PDE1C: variants seen among roughly 807,000 people sequenced by gnomAD.
PDE1C encodes phosphodiesterase 1C.
In PDE1C, 62 loss-of-function variants were observed where a neutral mutation model predicts 93.1. The observed-to-expected ratio is 0.67, with a 90% CI of 0.54 to 0.82. The LOEUF (loss-of-function observed/expected upper bound fraction) is 0.82, where lower values mean the gene tolerates loss of function less well. Among genes scored for constraint, PDE1C ranks in the 40% least tolerant of loss-of-function variants. PDE1C has a pLI of 0.00. For synonymous variants in PDE1C, 325 were observed against 310.1 expected (o/e 1.05, Z -0.50); for missense variants, 742 against 884.6 (o/e 0.84, Z 2.04).
the PDE1C span, among the ~76,000 whole-genome samples, chr7:31,732,476 G>A: frequency 6.6e-6 from 1 of 152,136 alleles, no homozygotes; most frequent in East Asian, 1.9e-4. Context: ...CGAAGACTGA[G>A]GTTTCCTGAA....
Position 32,307,966 on chromosome 7 carries a change from T to G in PDE1C, c.311-98427A>C, listed in dbSNP as rs193051021. On this transcript the variant is annotated intron_variant, in intron 1 of 1. Coordinates refer to the PDE1C transcript ENST00000672256. ...TTGGGAAGTGCAAGGGGTCGGGGAG[T>G]TCCCTTTCCTAGTCAAAGAATGGGG... Among the ~76,000 whole-genome samples the G allele has an allele frequency of 4.7e-4, 71 of 152,112 alleles. 1 individual carries two copies. The highest frequency in any genetic ancestry group is 8.2e-4 in the Non-Finnish European group (56 of 67,984).
chr7:32,050,852 T>G (rs1196523343), intron 2 of PDE1C, among the ~76,000 whole-genome samples: 3 of 152,140 alleles, frequency 2.0e-5, no homozygotes, highest in Non-Finnish European at 4.4e-5. Context: ...AAAATGGGCT[T>G]CCCATTGGAC....
intron 3 of PDE1C, among the ~76,000 whole-genome samples, chr7:32,118,082 G>GA (rs1799084695): frequency 6.6e-6 from 1 of 152,194 alleles, no homozygotes; most frequent in Admixed American, 6.5e-5. Context: ...TGGATTCCCA[G>GA]AGCCTGGGAA....
At chr7:32,039,249 T>C (rs1791508939) in intron 2 of PDE1C, among the ~76,000 whole-genome samples, 2 of 152,118 alleles carry the variant, frequency 1.3e-5, no homozygotes, top group South Asian at 4.1e-4. Flanking sequence ...ATAGTACTAT[T>C]ACAAACAACA....
At chr7:32,049,241 C>T (rs77773863) in intron 2 of PDE1C, among the ~76,000 whole-genome samples, 3,052 of 152,218 alleles carry the variant, frequency 0.02, 117 homozygotes, top group African/African-American at 0.069. Context: ...TCTGTACAAG[C>T]TCTCACTATA....
At chr7:31,790,275 A>C in intron 16 of PDE1C, 2 of 1,609,326 alleles carry the variant, frequency 1.2e-6, no homozygotes, top group Non-Finnish European at 1.7e-6. Flanking sequence ...AAAAAGAAAA[A>C]GAAAAAGAAA....
chr7:31,930,119 G>A (rs1398380181), intron 2 of PDE1C, among the ~76,000 whole-genome samples: 2 of 152,152 alleles, frequency 1.3e-5, no homozygotes, highest in African/African-American at 2.4e-5. Flanking sequence ...TACCATTAGA[G>A]AATACTATAA....
intron 2 of PDE1C, among the ~76,000 whole-genome samples, chr7:32,174,124 G>A (rs2128807925): frequency 6.6e-6 from 1 of 152,176 alleles, no homozygotes; most frequent in Non-Finnish European, 1.5e-5. Context: ...ATGAAGATCA[G>A]TTCTATGTTA....
chr7:32,155,656 A>G (rs1392619358), intron 3 of PDE1C, among the ~76,000 whole-genome samples: 2 of 152,188 alleles, frequency 1.3e-5, no homozygotes, highest in African/African-American at 2.4e-5. Context: ...TCACTTGCAA[A>G]TTATAAAGCA....
intron 9 of PDE1C, among the ~76,000 whole-genome samples, chr7:31,838,705 C>T (rs1791432445): frequency 6.6e-6 from 1 of 152,118 alleles, no homozygotes; most frequent in Non-Finnish European, 1.5e-5. Flanking sequence ...CCCTCAACCC[C>T]TGCCAATCAC....
intron 2 of PDE1C, among the ~76,000 whole-genome samples, chr7:31,984,055 G>A (rs1783051240): frequency 1.3e-5 from 2 of 152,142 alleles, no homozygotes. Flanking sequence ...AGAGCAGGAG[G>A]AGGAAGAGTA....
At chr7:31,780,189 G>T (rs574559562) in intron 16 of PDE1C, among the ~76,000 whole-genome samples, 1 of 152,256 alleles carries the variant, frequency 6.6e-6, no homozygotes, top group African/African-American at 2.4e-5. Context: ...ATGTTCCCAG[G>T]TGAGCCTGAT....
chr7:31,789,422 A>C (rs1784341998), intron 16 of PDE1C: 1 of 153,478 alleles, frequency 6.5e-6, no homozygotes, highest in Non-Finnish European at 1.4e-5. Flanking sequence ...ATAAAACCAC[A>C]GATATCCAAA....
At chr7:32,039,665 T>C (rs1791565620) in intron 2 of PDE1C, among the ~76,000 whole-genome samples, 1 of 152,200 alleles carries the variant, frequency 6.6e-6, no homozygotes, top group South Asian at 2.1e-4. Flanking sequence ...CTAGGGATAT[T>C]TGTGTTGTCA....
rs1234905326 is a variant in PDE1C, at chr7:32,162,246, C to T, written c.308+7539G>A. Among the ~76,000 whole-genome samples, 2 of 152,038 alleles carry T rather than the reference C, an allele frequency of 1.3e-5. 1 individual carries two copies. Among genetic ancestry groups the T allele is most frequent in the Non-Finnish European group, 2.9e-5 (2 of 68,016 alleles). On this transcript the variant is annotated intron_variant, in intron 3 of 18. Transcript: ENST00000396193. ...CCCCATGTTCCCTCCCACTAGAGCC[C>T]ATAGGGAAGATACTGCATCAAATAT...
At chr7:31,691,720 C>T in the PDE1C span, among the ~76,000 whole-genome samples, 1 of 145,610 alleles carries the variant, frequency 6.9e-6, no homozygotes. Flanking sequence ...TTTCTCCTAC[C>T]ATGTTTCTAC....
intron 1 of PDE1C, among the ~76,000 whole-genome samples, chr7:32,345,075 C>A (rs910756276): frequency 2.6e-5 from 4 of 152,134 alleles, no homozygotes; most frequent in Non-Finnish European, 5.9e-5. Context: ...TCAAACCATG[C>A]CCCTTCTGTT....
At chr7:32,067,419 G>A (rs944036403) in intron 1 of PDE1C, among the ~76,000 whole-genome samples, 1 of 152,134 alleles carries the variant, frequency 6.6e-6, no homozygotes, top group Admixed American at 6.5e-5. Context: ...TACAGCATTC[G>A]GATGGTGGGA....
chr7:31,800,906 G>A (rs1190022274), intron 16 of PDE1C, among the ~76,000 whole-genome samples: 1 of 151,024 alleles, frequency 6.6e-6, no homozygotes, highest in African/African-American at 2.4e-5. Context: ...TAACTCTTAG[G>A]TCAATGTAGA....
Sources: allele counts gnomAD v4.1 joint callset (sites outside exome capture counted in the v4.1 genomes callset), GRCh38; gene constraint gnomAD v4.1.1; transcripts MANE v1.5; gene names NCBI Gene and HGNC (gene_info 2026-07-23, HGNC 2026-07-21).